TPX2: variants seen among roughly 807,000 people sequenced by gnomAD.
TPX2 encodes targeting protein for Xklp2.
A neutral mutation model predicts 93.6 loss-of-function variants in TPX2; 21 were observed. That is an observed-to-expected ratio of 0.22 (90% CI 0.16 to 0.32). The LOEUF (loss-of-function observed/expected upper bound fraction) is 0.32. TPX2 is among the 10% of genes least tolerant of loss of function. The pLI is 1.00. For synonymous variants in TPX2, 281 were observed against 298.3 expected (o/e 0.94, Z 0.60); for missense variants, 776 against 871.1 (o/e 0.89, Z 1.37).
intron 7 of TPX2, among the ~76,000 whole-genome samples, 186 bp from the exon 8 acceptor site, chr20:31,775,681 G>C (rs951613838): frequency 6.6e-5 from 10 of 152,078 alleles, no homozygotes; most frequent in African/African-American, 2.4e-4. Flanking sequence ...TGGCCAAAGT[G>C]TGCATTTTTA....
At chr20:31,760,009 G>C (rs148828052) in intron 3 of TPX2, 48 bp from the exon 4 acceptor site, 2 of 1,604,054 alleles carry the variant, frequency 1.2e-6, no homozygotes, top group South Asian at 1.1e-5. Context: ...ATAGTGATTT[G>C]TTTTGCTTCC....
chr20:31,753,685 T>C (rs1200463298), intron 2 of TPX2, among the ~76,000 whole-genome samples: 1 of 152,188 alleles, frequency 6.6e-6, no homozygotes, highest in Non-Finnish European at 1.5e-5. Context: ...GATGATGTTC[T>C]CTGGGGTCTA....
At chr20:31,762,993 A>AT (rs1343522591) in intron 4 of TPX2, among the ~76,000 whole-genome samples, 1 of 151,656 alleles carries the variant, frequency 6.6e-6, no homozygotes, top group South Asian at 2.1e-4. Flanking sequence ...AAATACGTGG[A>AT]TTTTTTCCTG....
In TPX2 at chr20:31,782,315, C is replaced by T; in HGVS notation, c.1121C>T (p.Thr374Ile). ...GACCCACAGACTCCTGTACTGCAAA[C>T]CAAACACCGTGCACGGGCTGTGACC... ...CRDPQTPVLQ[T>I]KHRARAVTCK... Residue 374 changes from threonine (T) to isoleucine (I), a missense_variant, in exon 11 of 18, where the codon ACC (threonine) becomes ATC (isoleucine). Physicochemically the swap from Thr to Ile is moderately conservative, Grantham distance 89. This residue lies in a region of TPX2 where 461 missense variants were observed against 551.2 expected (regional missense o/e 0.84). Coordinates refer to ENST00000300403, the MANE Select transcript of TPX2 (RefSeq NM_012112.5). 1 of 1,613,914 alleles carries T rather than the reference C, an allele frequency of 6.2e-7. No homozygotes were observed. The highest frequency in any genetic ancestry group is 8.5e-7 in the Non-Finnish European group (1 of 1,179,934).
chr20:31,795,409 C>T (rs571553286), intron 15 of TPX2, among the ~76,000 whole-genome samples: 7 of 152,404 alleles, frequency 4.6e-5, no homozygotes, highest in African/African-American at 7.2e-5. Context: ...GCTGGGATTA[C>T]AAGCATGAGC....
At chr20:31,770,855 A>G (rs1005616696) in intron 6 of TPX2, among the ~76,000 whole-genome samples, 38 of 151,944 alleles carry the variant, frequency 2.5e-4, no homozygotes, top group African/African-American at 9.2e-4. Flanking sequence ...CAGAGGTCTA[A>G]AAGTAGTTTG....
chr20:31,785,534 G>A (rs897244776), intron 12 of TPX2, among the ~76,000 whole-genome samples: 1 of 146,998 alleles, frequency 6.8e-6, no homozygotes, highest in Non-Finnish European at 1.5e-5. Flanking sequence ...TTTAGCTCTT[G>A]TTGCCCAGGC....
At chr20:31,770,242 A>T (rs2061956773) in intron 5 of TPX2, 101 bp from the exon 6 acceptor site, 2 of 787,298 alleles carry the variant, frequency 2.5e-6, no homozygotes, top group East Asian at 3.4e-5. Flanking sequence ...ACTCCATTTT[A>T]TTGCCCTTTG....
In TPX2 at chr20:31,793,621, C is replaced by T. The variant is rs183811611; in HGVS notation, c.1510-227C>T. Among the ~76,000 whole-genome samples, 5 of 152,290 alleles carry T rather than the reference C, an allele frequency of 3.3e-5. No homozygotes were observed. In the East Asian group the frequency reaches 9.6e-4, roughly 29 times the overall value. ...AATGTTAGATCTTATTTAGTTTTTACAACATTCCTGTGGAAAACTAGATCT... is the reference window on the plus strand; with the variant it reads ...AATGTTAGATCTTATTTAGTTTTTATAACATTCCTGTGGAAAACTAGATCT... On this transcript the variant is annotated intron_variant, in intron 13 of 17. Transcript: ENST00000300403.
Position 31,792,750 on chromosome 20 carries a change from A to G in TPX2, c.1429A>G (p.Lys477Glu), listed in dbSNP as rs750727309. ...CTCCTTTCAGGGTGTTCCTGAAAAG[A>G]AGGTACTTCCAATCACCGTCCCCAA... ...LEDVVGVPEK[K>E]VLPITVPKSP... The change falls in exon 13 of 18, where the codon AAG becomes GAG. Residue 477 changes from lysine (K) to glutamate (E), a missense_variant. Transcript: ENST00000300403. The G allele has an allele frequency of 6.2e-7, 1 of 1,614,080 alleles. No homozygotes were observed. The highest frequency in any genetic ancestry group is 1.3e-5 in the African/African-American group (1 of 74,930).
intron 9 of TPX2, among the ~76,000 whole-genome samples, chr20:31,778,540 C>A (rs1323701980): frequency 6.6e-6 from 1 of 152,068 alleles, no homozygotes; most frequent in Non-Finnish European, 1.5e-5. Flanking sequence ...CTCTGGATTC[C>A]TTCAAAACAT....
intron 1 of TPX2, among the ~76,000 whole-genome samples, chr20:31,739,955 GA>G (rs1421496291): frequency 6.6e-6 from 1 of 152,186 alleles, no homozygotes; most frequent in East Asian, 1.9e-4. Flanking sequence ...ATAATTGAGG[GA>G]GAGTTTAAGT....
chr20:31,794,903 C>T (rs2062127431), intron 15 of TPX2, among the ~76,000 whole-genome samples: 1 of 151,898 alleles, frequency 6.6e-6, no homozygotes, highest in South Asian at 2.1e-4. Flanking sequence ...TCACTGCAAG[C>T]TCCGCCTCCT....
chr20:31,742,275 T>A (rs1440818579), intron 1 of TPX2, among the ~76,000 whole-genome samples: 1 of 151,568 alleles, frequency 6.6e-6, no homozygotes, highest in Admixed American at 6.6e-5. Context: ...CTTCCCAGGT[T>A]CAAGCGATTC....
At position 31,794,442 on chromosome 20, in the gene TPX2, C is replaced by T; in HGVS notation, c.1727C>T (p.Thr576Ile). The T allele has an allele frequency of 6.2e-7, 1 of 1,614,110 alleles. No homozygotes were observed. ...FKALPLPHFD[T>I]INLPEKKVKN... ...GCACTTCCCTTGCCTCATTTTGACA[C>T]CATTAACCTGCCAGAGAAGAAGGTA... Residue 576 changes from threonine (T) to isoleucine (I), a missense_variant, in exon 15 of 18, where the codon ACC becomes ATC. Physicochemically the swap from Thr to Ile is moderately conservative, Grantham distance 89. Around this residue, in one of 3 missense-constraint regions of TPX2, gnomAD observed 461 missense variants for 551.2 expected, o/e 0.84. Coordinates refer to ENST00000300403, the MANE Select transcript of TPX2 (RefSeq NM_012112.5).
At chr20:31,792,953 A>T (rs2062112131) in intron 13 of TPX2, 123 bp downstream of exon 13, 1 of 825,634 alleles carries the variant, frequency 1.2e-6, no homozygotes, top group Non-Finnish European at 2.0e-6. Context: ...TGTCTTTAAG[A>T]ATGGGTATGA....
In TPX2 at chr20:31,766,591, A is replaced by G. The variant is rs2061927997; in HGVS notation, c.265A>G (p.Asn89Asp). 1.2e-6 allele frequency: 2 copies of G among 1,613,422 alleles called. No individual in the cohort carries two copies. The highest frequency in any genetic ancestry group is 1.3e-5 in the African/African-American group (1 of 74,780). ...NTYYKEAEKENLVEQSIPSNA... is the reference protein window; with the variant it reads ...NTYYKEAEKEDLVEQSIPSNA... ...TTACTACAAAGAGGCAGAAAAAGAA[A>G]ATCTTGTGGAACAATCCATTCCGTC... Residue 89 changes from asparagine to aspartate, a missense_variant, in exon 5 of 18, where the codon AAT becomes GAT. This residue lies in a region of TPX2 where 279 missense variants were observed against 261.6 expected (regional missense o/e 1.07). Coordinates refer to ENST00000300403, the MANE Select transcript of TPX2 (RefSeq NM_012112.5).
At chr20:31,771,481 A>T (rs893932931) in intron 6 of TPX2, 79 bp from the exon 7 acceptor site, 60 of 1,523,202 alleles carry the variant, frequency 3.9e-5, no homozygotes, top group Non-Finnish European at 5.2e-5. Flanking sequence ...TTTAATCCAT[A>T]TGCAGTAGAT....
intron 12 of TPX2, among the ~76,000 whole-genome samples, chr20:31,787,693 A>G (rs1255273487): frequency 6.6e-6 from 1 of 152,172 alleles, no homozygotes; most frequent in Non-Finnish European, 1.5e-5. Context: ...CTTTGTTCAC[A>G]TGTGAGAGGG....
Sources: gnomAD v4.1 joint callset for allele counts (sites outside exome capture counted in the v4.1 genomes callset) on GRCh38, gnomAD v4.1.1 for gene constraint, gnomAD v4.1.1 regional missense constraint, MANE v1.5 for transcripts, NCBI Gene and HGNC (gene_info 2026-07-23, HGNC 2026-07-21) for gene names.